The following HOOK3 variants were observed in gnomAD, a reference collection of about 807,000 sequenced individuals.
The protein encoded by HOOK3 is protein Hook homolog 3.
A neutral mutation model predicts 116.3 loss-of-function variants in HOOK3; 24 were observed. The ratio of observed to expected loss-of-function variants is 0.21; its 90% CI spans 0.15 to 0.29. HOOK3 has a LOEUF of 0.29. Ranked by LOEUF, HOOK3 falls within the 10% of genes least tolerant of loss-of-function variation. The probability of loss-of-function intolerance (pLI) is 1.00; values close to 1 mark genes in which losing one functional copy is unlikely to be tolerated. For missense variants in HOOK3, 632 were observed against 830.2 expected, an observed-to-expected ratio of 0.76 and a Z score of 2.93; for synonymous variants, 275 against 283.0, an observed-to-expected ratio of 0.97 and a Z score of 0.28.
chr8:42,905,244 C>T (rs1195487175), intron 1 of HOOK3, among the ~76,000 whole-genome samples: 1 of 146,920 alleles, frequency 6.8e-6, no homozygotes, highest in Non-Finnish European at 1.5e-5. Flanking sequence ...TACCGGGAGG[C>T]ATCAAGATTT....
At chr8:42,912,661 CCTCCTTGCCCACCACACA>C (rs57324823) in intron 2 of HOOK3, among the ~76,000 whole-genome samples, 115,972 of 151,738 alleles carry the variant, frequency 0.76, 45,450 homozygotes, top group African/African-American at 0.94. Context: ...GTTCCCACAT[CCTCCTTGCCCACCACACA>C]CTCCTTGCCC....
chr8:42,935,199 A>G (rs1433301120), intron 4 of HOOK3, among the ~76,000 whole-genome samples: 1 of 151,978 alleles, frequency 6.6e-6, no homozygotes, highest in African/African-American at 2.4e-5. Context: ...TCTTTCGAGA[A>G]GTGTCTGTTC....
At chr8:42,994,402 T>C in intron 15 of HOOK3, 1 of 397,862 alleles carries the variant, frequency 2.5e-6, no homozygotes, top group Non-Finnish European at 5.0e-6. Flanking sequence ...CGTTAGGTTG[T>C]TTATTTGAAG....
chr8:42,987,262 C>T (rs1384725621), intron 15 of HOOK3, among the ~76,000 whole-genome samples: 3 of 152,154 alleles, frequency 2.0e-5, no homozygotes, highest in East Asian at 1.9e-4. Flanking sequence ...AACTTGAATC[C>T]GTTTCTCCAC....
In HOOK3 at chr8:42,906,155, C is replaced by CT. The variant is rs1563287856; in HGVS notation, c.58-17dup. On this transcript the variant is annotated splice_polypyrimidine_tract_variant and intron_variant, in intron 1 of 21. Transcript: ENST00000307602. ...TAACCACAGAATCTCTCCCCCCCCCCTCTTTTTTTCCCTTCAGATCCAGAC... is the reference window on the plus strand; with the variant it reads ...TAACCACAGAATCTCTCCCCCCCCCCTTCTTTTTTTCCCTTCAGATCCAGAC... 2.1e-6 allele frequency: 2 copies of CT among 941,884 alleles called. No homozygotes were observed. 58.3% of individuals were successfully genotyped at this position (941,884 alleles called of 1,614,324 possible). A position where few individuals can be genotyped will look rare whatever the true frequency, so the allele number is the denominator to read the frequency against.
chr8:42,981,132 G>A (rs548475602), intron 13 of HOOK3, among the ~76,000 whole-genome samples: 5 of 150,584 alleles, frequency 3.3e-5, no homozygotes, highest in Admixed American at 2.0e-4. Flanking sequence ...ACTCACTGCA[G>A]CCTCTGCCTC....
intron 17 of HOOK3, among the ~76,000 whole-genome samples, chr8:43,006,991 T>A (rs1448736603): frequency 1.3e-5 from 2 of 149,210 alleles, no homozygotes; most frequent in Non-Finnish European, 3.0e-5. Flanking sequence ...ATATAACATA[T>A]AAAGTACACG....
rs1322415681 is a variant in HOOK3 at position 42,959,342 on chromosome 8, C to G, written c.615+28C>G. The stretch of plus-strand genomic sequence containing the variant: ...AAGAGATTTGTTCTGTGCACCACCT[C>G]TTTGAAACATACCACTGTAAATACC... On this transcript the variant is annotated intron_variant, in intron 8 of 21. Coordinates refer to ENST00000307602, the MANE Select transcript of HOOK3 (RefSeq NM_032410.4). 4 of 1,385,560 alleles carry G rather than the reference C, an allele frequency of 2.9e-6. No homozygotes were observed. The African/African-American group carries it at 5.7e-5, about 20-fold the overall frequency. The allele number at this position is 1,385,560 out of a possible 1,614,324, so 85.8% of individuals were successfully genotyped here.
At chr8:43,000,121 C>G (rs1168754880) in intron 16 of HOOK3, 3 of 448,504 alleles carry the variant, frequency 6.7e-6, no homozygotes, top group African/African-American at 2.0e-5. Context: ...ACACTCCAGC[C>G]TGGGCAACAG....
intron 9 of HOOK3, among the ~76,000 whole-genome samples, chr8:42,965,698 T>C (rs1808620939): frequency 6.6e-6 from 1 of 152,208 alleles, no homozygotes; most frequent in African/African-American, 2.4e-5. Flanking sequence ...CTGAGTGTGG[T>C]AACATAACTA....
chr8:42,974,110 C>G lies in HOOK3; in HGVS notation c.1237C>G (p.Leu413Val), dbSNP rs750962505. The change falls in exon 13 of 22, where the codon CTG (leucine) becomes GTG (valine). Residue 413 changes from leucine to valine, a missense_variant. Leu to Val is a conservative substitution (Grantham distance 32). Around this residue, in one of 3 missense-constraint regions of HOOK3, gnomAD observed 483 missense variants for 648.1 expected, o/e 0.75. Coordinates refer to ENST00000307602, the MANE Select transcript of HOOK3 (RefSeq NM_032410.4). ...VDSLQKEKDRLRTERDSLKET... is the reference protein window; with the variant it reads ...VDSLQKEKDRVRTERDSLKET... ...CCATGTTTTTGTGTCTCTCCAGAGG[C>G]TGAGAACAGAAAGGGATTCTCTGAA... 3 of 1,612,214 alleles carry G rather than the reference C, an allele frequency of 1.9e-6. No homozygotes were observed. The highest frequency in any genetic ancestry group is 2.5e-6 in the Non-Finnish European group (3 of 1,178,398).
In HOOK3 at chr8:42,906,374, G is replaced by T. The variant is rs565224850; in HGVS notation, c.143+116G>T. 1.4e-5 allele frequency: 10 copies of T among 719,162 alleles called. No homozygotes were observed. The East Asian group carries it at 2.7e-4, about 19-fold the overall frequency. 44.5% of individuals were successfully genotyped at this position (719,162 alleles called of 1,614,324 possible). On this transcript the variant is annotated intron_variant, in intron 2 of 21. Transcript: ENST00000307602. ...CGTGTGTAGAGTAAGAGTTGTAGGC[G>T]GCAGCAGCACTAGTTTTAATGGAAT...
intron 8 of HOOK3, 84 bp from the exon 9 acceptor site, chr8:42,964,227 A>G (rs1808589654): frequency 7.3e-7 from 1 of 1,374,048 alleles, no homozygotes; most frequent in Non-Finnish European, 1.0e-6. Flanking sequence ...TATAGGCTTT[A>G]ATTTGTAATG....
At chr8:42,940,364 C>A (rs566677284) in intron 4 of HOOK3, among the ~76,000 whole-genome samples, 1 of 152,224 alleles carries the variant, frequency 6.6e-6, no homozygotes, top group Non-Finnish European at 1.5e-5. Flanking sequence ...CGCCCGCAAT[C>A]GCAGGCACTC....
chr8:42,901,082 A>G (rs969590074), intron 1 of HOOK3, among the ~76,000 whole-genome samples: 10 of 152,204 alleles, frequency 6.6e-5, no homozygotes, highest in African/African-American at 2.4e-4. Context: ...CATTGCCTCA[A>G]CCAGCTAGAT....
intron 2 of HOOK3, among the ~76,000 whole-genome samples, chr8:42,908,305 A>G (rs1807355028): frequency 2.6e-5 from 4 of 152,246 alleles, no homozygotes; most frequent in Admixed American, 2.6e-4. Context: ...CACAGAAATA[A>G]GAAACAAACC....
chr8:42,910,655 A>G (rs562805241), intron 2 of HOOK3, among the ~76,000 whole-genome samples: 1 of 152,346 alleles, frequency 6.6e-6, no homozygotes, highest in Non-Finnish European at 1.5e-5. Context: ...ATTGTTACAC[A>G]GTATCTATTT....
intron 17 of HOOK3, among the ~76,000 whole-genome samples, chr8:43,005,913 T>G (rs966294356): frequency 6.6e-6 from 1 of 150,942 alleles, no homozygotes; most frequent in Admixed American, 6.6e-5. Flanking sequence ...GACAGGCTGG[T>G]CTTGAACTCC....
At chr8:42,947,844 T>TTGTG (rs34254144) in intron 5 of HOOK3, among the ~76,000 whole-genome samples, 3 of 150,864 alleles carry the variant, frequency 2.0e-5, no homozygotes, top group Non-Finnish European at 4.4e-5. Context: ...GTGAATGAAA[T>TTGTG]TGTGTGTGTG....
Sources: gnomAD v4.1 joint callset for allele counts (sites outside exome capture counted in the v4.1 genomes callset) on GRCh38, gnomAD v4.1.1 for gene constraint, gnomAD v4.1.1 regional missense constraint, MANE v1.5 for transcripts, NCBI Gene and HGNC (gene_info 2026-07-23, HGNC 2026-07-21) for gene names.